The following DNMBP variants were observed in gnomAD, a reference collection of about 807,000 sequenced individuals.
DNMBP encodes dynamin binding protein.
A neutral mutation model predicts 150.0 loss-of-function variants in DNMBP; 87 were observed. The observed-to-expected ratio is 0.58, with a 90% CI of 0.49 to 0.69. The LOEUF is 0.69. Among genes scored for constraint, DNMBP ranks in the 30% least tolerant of loss-of-function variants. DNMBP has a pLI of 0.00. For missense variants in DNMBP, 1,774 were observed against 1,949.0 expected (o/e 0.91, Z 1.69); for synonymous variants, 711 against 750.4 (o/e 0.95, Z 0.86).
intron 4 of DNMBP, among the ~76,000 whole-genome samples, chr10:99,929,155 TA>T: frequency 6.9e-6 from 1 of 145,442 alleles, no homozygotes; most frequent in East Asian, 2.0e-4. Flanking sequence ...AAAAAATAAA[TA>T]AATAAAAATA....
At chr10:99,944,607 G>A (rs2040337690) in intron 4 of DNMBP, among the ~76,000 whole-genome samples, 1 of 152,062 alleles carries the variant, frequency 6.6e-6, no homozygotes, top group African/African-American at 2.4e-5. Context: ...TCATCGCTAT[G>A]TACCCAGCCC....
At chr10:99,987,872 T>C (rs940073389) in intron 1 of DNMBP, among the ~76,000 whole-genome samples, 2 of 152,344 alleles carry the variant, frequency 1.3e-5, no homozygotes, top group East Asian at 1.9e-4. Context: ...TGGTAGTTGA[T>C]ATAAACTGGA....
intron 9 of DNMBP, among the ~76,000 whole-genome samples, chr10:99,897,463 A>G (rs2039672090): frequency 6.6e-6 from 1 of 152,178 alleles, no homozygotes; most frequent in Non-Finnish European, 1.5e-5. Context: ...ACTCCAGAGG[A>G]GCTCCATAAA....
chr10:99,888,767 T>C (rs1255533477), intron 12 of DNMBP, 58 bp downstream of exon 12: 2 of 1,605,452 alleles, frequency 1.2e-6, no homozygotes, highest in Non-Finnish European at 1.7e-6. Flanking sequence ...TTGCATGAGC[T>C]GATGTATTTG....
intron 11 of DNMBP, among the ~76,000 whole-genome samples, chr10:99,891,165 C>T (rs2039550756): frequency 6.7e-6 from 1 of 148,772 alleles, no homozygotes; most frequent in African/African-American, 2.5e-5. Context: ...TCTCCCTCTC[C>T]CCCTCTCCCT....
chr10:99,974,277 T>G (rs1267803889), intron 1 of DNMBP, among the ~76,000 whole-genome samples: 2 of 152,190 alleles, frequency 1.3e-5, no homozygotes, highest in African/African-American at 4.8e-5. Context: ...CCGGGGAGTA[T>G]CCTTGTACTG....
intron 1 of DNMBP, among the ~76,000 whole-genome samples, chr10:99,995,325 AG>A (rs2040939601): frequency 6.6e-6 from 1 of 152,180 alleles, no homozygotes. Flanking sequence ...CTGGGATTAC[AG>A]GCATGATCAC....
At chr10:99,964,468 ACCCCCC>A (rs2040597078) in intron 3 of DNMBP, among the ~76,000 whole-genome samples, 1 of 128,522 alleles carries the variant, frequency 7.8e-6, no homozygotes, top group Non-Finnish European at 1.7e-5. Context: ...ACTCCCCTCC[ACCCCCC>A]ACCTTTCTTT....
chr10:99,925,653 G>A (rs952251966), intron 4 of DNMBP, among the ~76,000 whole-genome samples: 1 of 152,064 alleles, frequency 6.6e-6, no homozygotes, highest in African/African-American at 2.4e-5. Flanking sequence ...GACCTCAAGT[G>A]ATCTGCCCAC....
rs188315907 is a variant in DNMBP at position 99,931,545 on chromosome 10, A to G, written c.2261-22399T>C. Among the ~76,000 whole-genome samples the G allele has an allele frequency of 3.2e-3, 482 of 152,292 alleles. 10 individuals carry two copies. Among genetic ancestry groups the G allele is most frequent in the Middle Eastern group, 6.8e-3 (2 of 294 alleles). On this transcript the variant is annotated intron_variant, in intron 4 of 16. Coordinates refer to ENST00000324109, the MANE Select transcript of DNMBP (RefSeq NM_015221.4). The stretch of plus-strand genomic sequence containing the variant: ...AGAATGGAGTTAGGTATGCTTTCAC[A>G]TTTTCCCAGATACTTGTCATGCCAG...
Position 99,955,420 on chromosome 10 carries a change from A to G in DNMBP, c.2054T>C (p.Leu685Pro). The change falls in exon 4 of 17, where the codon CTG (leucine) becomes CCG (proline). Residue 685 changes from leucine to proline, a missense_variant. Physicochemically the swap from Leu to Pro is moderately conservative, Grantham distance 98. Around this residue, in one of 2 missense-constraint regions of DNMBP, gnomAD observed 1,430 missense variants for 1,492.5 expected, o/e 0.96. Transcript: ENST00000324109. ...KEGPGHMGRS[L>P]DQTSPCPLVL... ...TAAGGGGCATGGGGAGGTCTGGTCC[A>G]GACTCCTTCCCATATGACCAGGGCC... 1 of 1,614,010 alleles carries G rather than the reference A, an allele frequency of 6.2e-7. No individual in the cohort carries two copies. Among genetic ancestry groups the G allele is most frequent in the Non-Finnish European group, 8.5e-7 (1 of 1,179,944 alleles).
In DNMBP at chr10:100,009,912, C is replaced by T. The variant is rs889682887; in HGVS notation, c.-85G>A. The T allele has an allele frequency of 1.3e-5, 2 of 148,530 alleles. No homozygotes were observed. The highest frequency in any genetic ancestry group is 3.0e-5 in the Non-Finnish European group (2 of 66,562). The allele number at this position is 148,530 out of a possible 1,614,324, so 9.2% of individuals were successfully genotyped here. ...GCCAGTCCCCAGCCCGCTGTCACCTCCGCCCCTGGAAGCGGCGGGCGGGTC... is the reference window on the plus strand; with the variant it reads ...GCCAGTCCCCAGCCCGCTGTCACCTTCGCCCCTGGAAGCGGCGGGCGGGTC... On this transcript the variant is annotated 5_prime_UTR_variant, in exon 1 of 17. Transcript: ENST00000324109.
chr10:99,887,382 G>A (rs1029302289), intron 12 of DNMBP, among the ~76,000 whole-genome samples: 5 of 151,994 alleles, frequency 3.3e-5, no homozygotes, highest in African/African-American at 7.3e-5. Context: ...CAAAAATTAG[G>A]CAGGTATGGT....
intron 14 of DNMBP, among the ~76,000 whole-genome samples, chr10:99,885,440 G>A (rs1220913953): frequency 6.6e-6 from 1 of 152,206 alleles, no homozygotes; most frequent in East Asian, 1.9e-4. Flanking sequence ...GAACCCAGAA[G>A]GCGCAGGTTG....
At chr10:100,000,873 A>AC (rs1444153905) in intron 1 of DNMBP, among the ~76,000 whole-genome samples, 2 of 149,684 alleles carry the variant, frequency 1.3e-5, no homozygotes, top group Non-Finnish European at 3.0e-5. Context: ...AAAAAAAAAA[A>AC]AAAAAAAAAA....
chr10:99,959,540 G>A (rs1460930555), intron 3 of DNMBP, among the ~76,000 whole-genome samples: 1 of 151,892 alleles, frequency 6.6e-6, no homozygotes, highest in Non-Finnish European at 1.5e-5. Flanking sequence ...AGCTCTTTGG[G>A]GTCTCAATAA....
chr10:99,934,390 C>A (rs2040200608), intron 4 of DNMBP, among the ~76,000 whole-genome samples: 1 of 145,184 alleles, frequency 6.9e-6, no homozygotes, highest in Admixed American at 7.0e-5. Flanking sequence ...GGCTTCATAA[C>A]AATAAAAACC....
Position 99,881,464 on chromosome 10 carries a change from G to A in DNMBP, c.3998-1103C>T, listed in dbSNP as rs537065016. 3.9e-4 allele frequency among the ~76,000 whole-genome samples: 60 copies of A among 152,328 alleles called. 1 individual carries two copies. The highest frequency in any genetic ancestry group is 3.3e-3 in the Admixed American group (51 of 15,302). On this transcript the variant is annotated intron_variant, in intron 15 of 16. Coordinates refer to ENST00000324109, the MANE Select transcript of DNMBP (RefSeq NM_015221.4). ...AACTCAAGTATAAATTAGGGATTGCGTGAGCATCCACGTGACAATTTTTCA... is the reference window on the plus strand; with the variant it reads ...AACTCAAGTATAAATTAGGGATTGCATGAGCATCCACGTGACAATTTTTCA...
In DNMBP at chr10:99,962,195, C is replaced by G. The variant is rs397749792; in HGVS notation, c.269-4990G>C. Among the ~76,000 whole-genome samples, 5 of 152,210 alleles carry G rather than the reference C, an allele frequency of 3.3e-5. No individual in the cohort carries two copies. In the East Asian group the frequency reaches 9.7e-4, roughly 29 times the overall value. On this transcript the variant is annotated intron_variant, in intron 3 of 16. Coordinates refer to ENST00000324109, the MANE Select transcript of DNMBP (RefSeq NM_015221.4). The stretch of plus-strand genomic sequence containing the variant: ...ATACAGCACCTAACATAAGATTTTA[C>G]ACTTAGAGAGAGTTGCCCAAAATAT...
Sources: gnomAD v4.1 joint callset for allele counts (sites outside exome capture counted in the v4.1 genomes callset) on GRCh38, gnomAD v4.1.1 for gene constraint, gnomAD v4.1.1 regional missense constraint, MANE v1.5 for transcripts, NCBI Gene and HGNC (gene_info 2026-07-23, HGNC 2026-07-21) for gene names.